NFIB: variants seen among roughly 807,000 people sequenced by gnomAD.
NFIB encodes nuclear factor I B, also known as nuclear factor 1 B-type.
A neutral mutation model predicts 61.5 loss-of-function variants in NFIB; 11 were observed. The observed-to-expected ratio is 0.18, with a 90% confidence interval of 0.11 to 0.30. The LOEUF is 0.30. Among genes scored for constraint, NFIB ranks in the 10% least tolerant of loss-of-function variants. NFIB has a pLI of 1.00. For missense variants in NFIB, 471 were observed against 608.9 expected (o/e 0.77, Z 2.38); for synonymous variants, 260 against 216.5 (o/e 1.20, Z -1.76).
intron 7 of NFIB, among the ~76,000 whole-genome samples, chr9:14,124,323 C>G (rs769826349): frequency 6.6e-6 from 1 of 152,122 alleles, no homozygotes; most frequent in Non-Finnish European, 1.5e-5. Context: ...GAAACAGTTA[C>G]TGATTTTTTC....
chr9:14,381,514 C>T (rs1050002954), intron 1 of NFIB, among the ~76,000 whole-genome samples: 10 of 152,260 alleles, frequency 6.6e-5, no homozygotes, highest in South Asian at 6.2e-4. Flanking sequence ...TAAACTGTAA[C>T]GATTTTTTAA....
At chr9:14,522,885 G>A in the NFIB span, among the ~76,000 whole-genome samples, 1 of 152,154 alleles carries the variant, frequency 6.6e-6, no homozygotes, top group African/African-American at 2.4e-5. Context: ...CAAACCAGAG[G>A]CTCTGCTCTA....
chr9:14,482,792 C>T, the NFIB span, among the ~76,000 whole-genome samples: 4 of 152,204 alleles, frequency 2.6e-5, no homozygotes, highest in African/African-American at 9.7e-5. Context: ...CTATACAAAC[C>T]TCTCTAATAA....
chr9:14,384,951 A>G (rs679613), intron 1 of NFIB, among the ~76,000 whole-genome samples: 82,412 of 151,978 alleles, frequency 0.54, 23,062 homozygotes, highest in African/African-American at 0.68. Context: ...ACAGTACTTC[A>G]CTCTCCAAAG....
chr9:14,111,527 G>A (rs1178246390), intron 10 of NFIB, among the ~76,000 whole-genome samples: 1 of 152,136 alleles, frequency 6.6e-6, no homozygotes, highest in African/African-American at 2.4e-5. Context: ...CTGAGAATAT[G>A]TGTAATGATT....
the NFIB span, among the ~76,000 whole-genome samples, chr9:14,407,017 T>A: frequency 1.4e-3 from 210 of 152,328 alleles, no homozygotes; most frequent in African/African-American, 4.6e-3. Context: ...GGCTGCCTTA[T>A]CTTTATTTCT....
chr9:14,392,238 A>G (rs2061631082), intron 1 of NFIB, among the ~76,000 whole-genome samples: 1 of 152,182 alleles, frequency 6.6e-6, no homozygotes, highest in Non-Finnish European at 1.5e-5. Context: ...AAAGGGTATT[A>G]GGTAAAAAAA....
intron 6 of NFIB, among the ~76,000 whole-genome samples, chr9:14,144,523 G>A (rs1489130815): frequency 6.6e-6 from 1 of 152,156 alleles, no homozygotes; most frequent in Non-Finnish European, 1.5e-5. Context: ...TGAGACTGGT[G>A]TTCTGCCTAT....
intron 6 of NFIB, among the ~76,000 whole-genome samples, chr9:14,135,236 T>C (rs2040906989): frequency 6.6e-6 from 1 of 152,184 alleles, no homozygotes; most frequent in African/African-American, 2.4e-5. Flanking sequence ...TTGGGAAAAT[T>C]GTTGCCTGTA....
chr9:14,258,048 G>A (rs2056396090), intron 2 of NFIB, among the ~76,000 whole-genome samples: 1 of 152,128 alleles, frequency 6.6e-6, no homozygotes, highest in African/African-American at 2.4e-5. Flanking sequence ...TAGCTGTTGT[G>A]GTGGTCAAAC....
At chr9:14,442,639 C>T in the NFIB span, among the ~76,000 whole-genome samples, 40 of 152,226 alleles carry the variant, frequency 2.6e-4, no homozygotes, top group African/African-American at 9.4e-4. Flanking sequence ...CTTGGCATCA[C>T]TCTAATCTCT....
intron 1 of NFIB, among the ~76,000 whole-genome samples, chr9:14,370,805 A>G (rs2061349527): frequency 6.6e-6 from 1 of 152,178 alleles, no homozygotes. Flanking sequence ...TTTAAATGCT[A>G]ATGTCCAGGC....
intron 2 of NFIB, among the ~76,000 whole-genome samples, chr9:14,287,035 G>A (rs561948158): frequency 6.6e-6 from 1 of 152,290 alleles, no homozygotes; most frequent in South Asian, 2.1e-4. Context: ...ATTTGCCTGA[G>A]GAGATGGGGA....
chr9:14,174,766 C>CAA lies in NFIB; in HGVS notation c.616+4959_616+4960dup, dbSNP rs546288962. ...TGGGCGACAGAGTGAGACTCCATCT[C>CAA]AAAAAAAAAAAAAAAAAAAGTGAAT... On this transcript the variant is annotated intron_variant, in intron 3 of 10. Coordinates refer to ENST00000380953, the MANE Select transcript of NFIB (RefSeq NM_001190737.2). 1.4e-4 allele frequency among the ~76,000 whole-genome samples: 8 copies of CAA among 55,948 alleles called. No individual in the cohort carries two copies. The East Asian group carries it at 1.8e-3, about 12-fold the overall frequency. 36.7% of individuals were successfully genotyped at this position (55,948 alleles called of 152,430 possible). A position where few individuals can be genotyped will look rare whatever the true frequency, so the allele number is the denominator to read the frequency against.
At chr9:14,459,416 A>G in the NFIB span, among the ~76,000 whole-genome samples, 63,076 of 152,070 alleles carry the variant, frequency 0.41, 13,850 homozygotes, top group Admixed American at 0.52. Context: ...TAAAAACCCT[A>G]GAAGAAAACC....
intron 2 of NFIB, among the ~76,000 whole-genome samples, chr9:14,285,496 A>G (rs753037863): frequency 5.3e-5 from 8 of 152,156 alleles, no homozygotes; most frequent in Non-Finnish European, 1.0e-4. Flanking sequence ...TTCAGACTAT[A>G]TAATATTTTC....
At chr9:14,132,427 C>T (rs972232853) in intron 6 of NFIB, among the ~76,000 whole-genome samples, 2 of 152,102 alleles carry the variant, frequency 1.3e-5, no homozygotes, top group African/African-American at 2.4e-5. Context: ...TGTTTTATTG[C>T]TAAGTGCTTA....
Position 14,083,141 on chromosome 9 carries a change from A to G in NFIB, c.*5168T>C. 4.6e-6 allele frequency: 1 copy of G among 218,344 alleles called. No individual in the cohort carries two copies. Among genetic ancestry groups the G allele is most frequent in the East Asian group, 6.7e-5 (1 of 14,872 alleles). The allele number at this position is 218,344 out of a possible 1,614,324, so 13.5% of individuals were successfully genotyped here. A position where few individuals can be genotyped will look rare whatever the true frequency, so the allele number is the denominator to read the frequency against. On this transcript the variant is annotated 3_prime_UTR_variant, in exon 11 of 11. Transcript: ENST00000380953. ...TTACAACCATTGAAGAAAAAATTGC[A>G]ACAAAAAATGTAAAAATTGACCGTC...
chr9:14,092,559 A>G (rs1394811335), intron 10 of NFIB, among the ~76,000 whole-genome samples: 2 of 152,076 alleles, frequency 1.3e-5, no homozygotes, highest in South Asian at 2.1e-4. Context: ...ATGACTTAAC[A>G]TAAGAAAGAA....
Sources: allele counts gnomAD v4.1 joint callset (sites outside exome capture counted in the v4.1 genomes callset), GRCh38; gene constraint gnomAD v4.1.1; transcripts MANE v1.5; gene names NCBI Gene and HGNC (gene_info 2026-07-23, HGNC 2026-07-21).